Variants in PDE4D observed in about 807,000 individuals in gnomAD.
PDE4D encodes phosphodiesterase 4D.
A neutral mutation model predicts 87.4 loss-of-function variants in PDE4D; 24 were observed. That is an observed-to-expected ratio of 0.27 (90% confidence interval 0.20 to 0.39). PDE4D has a LOEUF of 0.39. PDE4D is among the 10% of genes least tolerant of loss of function. The probability of loss-of-function intolerance (pLI) is 1.00; values close to 1 mark genes in which losing one functional copy is unlikely to be tolerated. For synonymous variants in PDE4D, 384 were observed against 383.2 expected (o/e 1.00, Z -0.02); for missense variants, 714 against 1,041.0 (o/e 0.69, Z 4.32).
At chr5:60,027,760 C>T (rs1766793554) in intron 2 of PDE4D, among the ~76,000 whole-genome samples, 1 of 152,142 alleles carries the variant, frequency 6.6e-6, no homozygotes, top group Admixed American at 6.5e-5. Context: ...AAACCTTGTC[C>T]ATTAGTGCTG....
intron 1 of PDE4D, among the ~76,000 whole-genome samples, chr5:60,203,677 C>A (rs937224613): frequency 6.6e-6 from 1 of 151,968 alleles, no homozygotes; most frequent in East Asian, 1.9e-4. Flanking sequence ...GCTAAAGATC[C>A]AAAAAAGTTG....
At chr5:59,622,602 A>G (rs1830470482) in intron 1 of PDE4D, among the ~76,000 whole-genome samples, 1 of 152,124 alleles carries the variant, frequency 6.6e-6, no homozygotes, top group Admixed American at 6.6e-5. Flanking sequence ...ACTCAAAACA[A>G]GAGGGGTATT....
intron 1 of PDE4D, among the ~76,000 whole-genome samples, chr5:60,238,862 A>T (rs1746743188): frequency 1.3e-5 from 2 of 151,752 alleles, no homozygotes; most frequent in Non-Finnish European, 2.9e-5. Context: ...ACCTATTATT[A>T]TTTTTCTTTA....
At chr5:59,819,277 G>A (rs571395981) in intron 1 of PDE4D, among the ~76,000 whole-genome samples, 2 of 151,938 alleles carry the variant, frequency 1.3e-5, no homozygotes, top group African/African-American at 4.8e-5. Flanking sequence ...GAGTATTCTC[G>A]CCTTCTCAAC....
At chr5:60,263,890 G>A (rs1314837840) in intron 1 of PDE4D, among the ~76,000 whole-genome samples, 3 of 151,446 alleles carry the variant, frequency 2.0e-5, no homozygotes. Flanking sequence ...GACACTACAT[G>A]TGAAAAAATA....
chr5:59,681,148 A>T (rs1215031516), intron 1 of PDE4D, among the ~76,000 whole-genome samples: 1 of 152,148 alleles, frequency 6.6e-6, no homozygotes, highest in Non-Finnish European at 1.5e-5. Flanking sequence ...ATAAAAGAAC[A>T]AGAGTCTCAT....
intron 1 of PDE4D, among the ~76,000 whole-genome samples, chr5:59,226,659 C>T (rs1753839356): frequency 6.6e-6 from 1 of 151,896 alleles, no homozygotes; most frequent in Non-Finnish European, 1.5e-5. Context: ...GTTTTTAGCA[C>T]AATAAAGCAA....
intron 5 of PDE4D, among the ~76,000 whole-genome samples, chr5:59,133,071 A>AT (rs1167318675): frequency 1.3e-5 from 2 of 151,930 alleles, no homozygotes; most frequent in South Asian, 2.1e-4. Flanking sequence ...ATTAATCTCA[A>AT]TTTTTTTCTG....
intron 5 of PDE4D, among the ~76,000 whole-genome samples, chr5:59,079,037 C>T (rs528225269): frequency 6.6e-6 from 1 of 152,212 alleles, no homozygotes; most frequent in African/African-American, 2.4e-5. Flanking sequence ...TTTAGATTTC[C>T]CAGCCTCCAG....
At chr5:59,911,908 G>A (rs1343841275) in intron 3 of PDE4D, among the ~76,000 whole-genome samples, 5 of 152,100 alleles carry the variant, frequency 3.3e-5, no homozygotes, top group Admixed American at 6.5e-5. Context: ...TAATTTCTCT[G>A]TTTAAATGGA....
At chr5:60,046,630 G>A (rs868196442) in intron 2 of PDE4D, among the ~76,000 whole-genome samples, 1,578 of 152,166 alleles carry the variant, frequency 0.01, 11 homozygotes, top group Admixed American at 0.015. Context: ...ATAATCATGT[G>A]GTTTTTGTCT....
intron 2 of PDE4D, among the ~76,000 whole-genome samples, chr5:60,102,530 A>G (rs975767522): frequency 1.3e-5 from 2 of 152,140 alleles, no homozygotes; most frequent in African/African-American, 4.8e-5. Flanking sequence ...AATTCAGAGA[A>G]TTTCATTTTA....
chr5:59,426,480 A>T (rs1795230481), intron 1 of PDE4D, among the ~76,000 whole-genome samples: 1 of 151,982 alleles, frequency 6.6e-6, no homozygotes, highest in Admixed American at 6.6e-5. Context: ...TACCTAAAGG[A>T]TTTAGAAAAA....
chr5:60,077,329 A>G (rs1582533974), intron 2 of PDE4D, among the ~76,000 whole-genome samples: 1 of 152,208 alleles, frequency 6.6e-6, no homozygotes, highest in African/African-American at 2.4e-5. Context: ...TGGCAAAGCA[A>G]TGTGGGGGTG....
At chr5:60,112,719 A>G (rs928416626) in intron 2 of PDE4D, among the ~76,000 whole-genome samples, 4 of 152,100 alleles carry the variant, frequency 2.6e-5, no homozygotes, top group Non-Finnish European at 5.9e-5. Context: ...CAGGAGGGCC[A>G]TAACACCCTC....
intron 1 of PDE4D, among the ~76,000 whole-genome samples, chr5:60,219,244 T>C (rs1019239062): frequency 6.6e-6 from 1 of 152,176 alleles, no homozygotes; most frequent in Non-Finnish European, 1.5e-5. Context: ...CATATCCTTA[T>C]GAAAAACAGG....
At chr5:60,133,295 C>T (rs1779746039) in intron 2 of PDE4D, among the ~76,000 whole-genome samples, 1 of 152,112 alleles carries the variant, frequency 6.6e-6, no homozygotes, top group East Asian at 1.9e-4. Context: ...AGAGTTCATA[C>T]TCTGCCACTT....
At chr5:60,105,087 C>T (rs1290423180) in intron 2 of PDE4D, among the ~76,000 whole-genome samples, 3 of 152,062 alleles carry the variant, frequency 2.0e-5, no homozygotes, top group African/African-American at 7.2e-5. Context: ...AAATTCAAAC[C>T]AAAGGCAAAG....
chr5:59,291,741 T>TG (rs1768070847), intron 1 of PDE4D, among the ~76,000 whole-genome samples: 7 of 92,884 alleles, frequency 7.5e-5, no homozygotes, highest in African/African-American at 1.7e-4. Context: ...AAAAGAAGTT[T>TG]TTTTTTTTTT....
Sources: gnomAD v4.1 joint callset for allele counts (sites outside exome capture counted in the v4.1 genomes callset) on GRCh38, gnomAD v4.1.1 for gene constraint, MANE v1.5 for transcripts, NCBI Gene and HGNC (gene_info 2026-07-23, HGNC 2026-07-21) for gene names.